The following WWOX variants were observed in gnomAD, a reference collection of about 807,000 sequenced individuals.
WWOX encodes WW domain-containing oxidoreductase.
Under a neutral mutation model 46.2 loss-of-function variants are expected in WWOX, and 69 were observed. The observed-to-expected ratio is 1.49, with a 90% CI of 1.23 to 1.82. The LOEUF is 1.82. WWOX is among the 40% of genes most tolerant of loss of function. WWOX has a pLI of 0.00. For missense variants in WWOX, 919 were observed against 542.6 expected, an observed-to-expected ratio of 1.69 and a Z score of -6.89; for synonymous variants, 359 against 202.6, an observed-to-expected ratio of 1.77 and a Z score of -6.56.
chr16:78,231,553 A>G (rs1286826945), intron 5 of WWOX, among the ~76,000 whole-genome samples: 5 of 152,216 alleles, frequency 3.3e-5, no homozygotes, highest in African/African-American at 1.2e-4. Flanking sequence ...ACTCCTCTGC[A>G]GAATCCAAAT....
chr16:79,156,590 C>T (rs1365166297), intron 8 of WWOX, among the ~76,000 whole-genome samples: 2 of 152,036 alleles, frequency 1.3e-5, no homozygotes, highest in Non-Finnish European at 2.9e-5. Context: ...AGTTAAAAAC[C>T]AGACAATTAA....
chr16:78,504,787 A>C (rs2085152152), intron 8 of WWOX, among the ~76,000 whole-genome samples: 1 of 151,944 alleles, frequency 6.6e-6, no homozygotes, highest in African/African-American at 2.4e-5. Flanking sequence ...TACATGCCAA[A>C]TCCAGAGCTT....
chr16:78,145,460 C>T (rs1396127753), intron 4 of WWOX, among the ~76,000 whole-genome samples: 1 of 152,088 alleles, frequency 6.6e-6, no homozygotes, highest in Non-Finnish European at 1.5e-5. Flanking sequence ...CAGGAAGGAT[C>T]CAGCATGGGA....
At chr16:78,231,124 G>C (rs1348128426) in intron 5 of WWOX, among the ~76,000 whole-genome samples, 1 of 152,304 alleles carries the variant, frequency 6.6e-6, no homozygotes, top group Non-Finnish European at 1.5e-5. Flanking sequence ...CTCTTTGTTT[G>C]GTTTTGCTTC....
Position 78,411,723 on chromosome 16 carries a change from A to C in WWOX, c.606-13147A>C, listed in dbSNP as rs919766143. Among the ~76,000 whole-genome samples, 2 of 152,342 alleles carry C rather than the reference A, an allele frequency of 1.3e-5. 1 individual carries two copies. The highest frequency in any genetic ancestry group is 1.3e-4 in the Admixed American group (2 of 15,300). On this transcript the variant is annotated intron_variant, in intron 6 of 8. Transcript: ENST00000566780. The stretch of plus-strand genomic sequence containing the variant: ...TAAAAAGTCAAGTGGGAGAATGTAG[A>C]GGTGACAAGACCAGGTGTGGGCTAT...
chr16:79,177,549 T>C (rs912603417), intron 8 of WWOX, among the ~76,000 whole-genome samples: 6 of 152,170 alleles, frequency 3.9e-5, no homozygotes, highest in Non-Finnish European at 7.3e-5. Context: ...CTCTTGTCTC[T>C]AATCAATTCA....
Position 79,164,174 on chromosome 16 carries a change from C to G in WWOX, c.1057-47434C>G, listed in dbSNP as rs533389336. On this transcript the variant is annotated intron_variant, in intron 8 of 8. Transcript: ENST00000566780. ...TTTTATTTTATAGAAAAATATAAAT[C>G]AATACTTTCATGTCTGTTTGACGTG... 4.6e-5 allele frequency among the ~76,000 whole-genome samples: 7 copies of G among 152,208 alleles called. No homozygotes were observed. In the East Asian group the frequency reaches 7.7e-4, roughly 17 times the overall value.
chr16:78,476,055 G>T (rs1346880926), intron 8 of WWOX, among the ~76,000 whole-genome samples: 1 of 152,100 alleles, frequency 6.6e-6, no homozygotes, highest in African/African-American at 2.4e-5. Flanking sequence ...TCACTCCCCA[G>T]TTTGACAGGA....
intron 8 of WWOX, among the ~76,000 whole-genome samples, chr16:78,915,046 C>T (rs918732642): frequency 2.6e-5 from 4 of 152,028 alleles, no homozygotes; most frequent in Non-Finnish European, 4.4e-5. Flanking sequence ...TAGCCTGATC[C>T]ACAAGTTCAG....
intron 8 of WWOX, among the ~76,000 whole-genome samples, chr16:78,522,739 G>A: frequency 6.6e-6 from 1 of 152,200 alleles, no homozygotes. Context: ...GATGAGACTT[G>A]GGATGATAAA....
At chr16:79,128,013 A>G (rs1434690762) in intron 8 of WWOX, among the ~76,000 whole-genome samples, 1 of 152,188 alleles carries the variant, frequency 6.6e-6, no homozygotes, top group Admixed American at 6.5e-5. Flanking sequence ...GCAAAGACCC[A>G]TCATTGATGA....
At chr16:78,475,333 T>C (rs1347265786) in intron 8 of WWOX, among the ~76,000 whole-genome samples, 5 of 152,218 alleles carry the variant, frequency 3.3e-5, no homozygotes, top group South Asian at 2.1e-4. Context: ...TTCACCCAGA[T>C]TGGCTGCATC....
At chr16:78,533,411 T>TAAAA (rs11324963) in intron 8 of WWOX, among the ~76,000 whole-genome samples, 7 of 147,124 alleles carry the variant, frequency 4.8e-5, no homozygotes, top group African/African-American at 1.3e-4. Flanking sequence ...GTTGATGAGC[T>TAAAA]AAAAAAAAAA....
intron 8 of WWOX, among the ~76,000 whole-genome samples, chr16:78,854,116 G>A (rs1452373807): frequency 6.6e-6 from 1 of 152,098 alleles, no homozygotes; most frequent in Non-Finnish European, 1.5e-5. Flanking sequence ...ACATAGTAGT[G>A]ACTTTGCCGA....
At chr16:78,420,983 T>C (rs57226645) in intron 6 of WWOX, among the ~76,000 whole-genome samples, 1 of 152,136 alleles carries the variant, frequency 6.6e-6, no homozygotes, top group African/African-American at 2.4e-5. Context: ...TGGGAACCTC[T>C]GGCTTAATCA....
At chr16:79,002,513 G>A (rs1037560959) in intron 8 of WWOX, among the ~76,000 whole-genome samples, 2 of 152,038 alleles carry the variant, frequency 1.3e-5, no homozygotes, top group African/African-American at 4.8e-5. Context: ...GTGAGCCACC[G>A]CACCCGGCCC....
rs1202789114 is a variant in WWOX at position 78,606,722 on chromosome 16, T to G, written c.1056+173970T>G. On this transcript the variant is annotated intron_variant, in intron 8 of 8. Coordinates refer to ENST00000566780, the MANE Select transcript of WWOX (RefSeq NM_016373.4). ...GGGCATTTCCCCAGAATTGCAGTTT[T>G]TTTTTTTTTTTTTTTTTTTTAAATA... Among the ~76,000 whole-genome samples the G allele has an allele frequency of 5.6e-5, 8 of 142,948 alleles. No individual in the cohort carries two copies. The East Asian group carries it at 1.1e-3, about 19-fold the overall frequency. The allele number at this position is 142,948 out of a possible 152,430, so 93.8% of individuals were successfully genotyped here. A position where few individuals can be genotyped will look rare whatever the true frequency, so the allele number is the denominator to read the frequency against.
chr16:79,050,136 G>A (rs147150981), intron 8 of WWOX, among the ~76,000 whole-genome samples: 35 of 152,250 alleles, frequency 2.3e-4, no homozygotes, highest in Non-Finnish European at 4.7e-4. Context: ...AGTGGCTCAC[G>A]GCAATCAGTA....
At chr16:78,969,317 T>A (rs1193453742) in intron 8 of WWOX, among the ~76,000 whole-genome samples, 1 of 151,736 alleles carries the variant, frequency 6.6e-6, no homozygotes, top group Non-Finnish European at 1.5e-5. Flanking sequence ...GTCACCTGGC[T>A]GGAATACAAT....
Sources: allele counts gnomAD v4.1 joint callset (sites outside exome capture counted in the v4.1 genomes callset), GRCh38; gene constraint gnomAD v4.1.1; transcripts MANE v1.5; gene names NCBI Gene and HGNC (gene_info 2026-07-23, HGNC 2026-07-21).